Variants in GDPD1 observed in about 807,000 individuals in gnomAD.
The protein encoded by GDPD1 is glycerophosphodiester phosphodiesterase domain containing 1.
A neutral mutation model predicts 45.1 loss-of-function variants in GDPD1; 28 were observed. That is an observed-to-expected ratio of 0.62 (90% confidence interval 0.46 to 0.85). The LOEUF (loss-of-function observed/expected upper bound fraction) is 0.85. GDPD1 is among the 40% of genes least tolerant of loss of function. The probability of loss-of-function intolerance (pLI) is 0.00; values close to 1 mark genes in which losing one functional copy is unlikely to be tolerated. For missense variants in GDPD1, 256 were observed against 364.8 expected (o/e 0.70, Z 2.43); for synonymous variants, 139 against 131.4 (o/e 1.06, Z -0.40).
intron 1 of GDPD1, among the ~76,000 whole-genome samples, chr17:59,227,452 T>C (rs910704602): frequency 1.3e-5 from 2 of 151,986 alleles, no homozygotes; most frequent in Admixed American, 1.3e-4. Flanking sequence ...TTGGGTAGCA[T>C]GCATAAAGTT....
In GDPD1 at chr17:59,220,707, G is replaced by C. The variant is rs1352676351; in HGVS notation, c.98G>C (p.Arg33Thr). 1 of 1,613,980 alleles carries C rather than the reference G, an allele frequency of 6.2e-7. No individual in the cohort carries two copies. The highest frequency in any genetic ancestry group is 1.3e-5 in the African/African-American group (1 of 74,942). The stretch of plus-strand genomic sequence containing the variant: ...AAATACCCGACCTTGCTGCACCAGA[G>C]AAAGAAGCAGCGATTCCTCAGTAAA... The part of the protein sequence containing the change: ...LLKYPTLLHQ[R>T]KKQRFLSKHI... The change falls in exon 1 of 10, where the codon AGA becomes ACA. Residue 33 changes from arginine (R) to threonine (T), a missense_variant. By Grantham distance (71) the Arg-to-Thr change is moderately conservative (BLOSUM62 -1). Coordinates refer to ENST00000284116, the MANE Select transcript of GDPD1 (RefSeq NM_182569.4).
chr17:59,273,853 T>C lies in GDPD1; in HGVS notation c.*80T>C, dbSNP rs1169097563. The C allele has an allele frequency of 4.3e-6, 6 of 1,407,236 alleles. No homozygotes were observed. The highest frequency in any genetic ancestry group is 2.8e-5 in the Admixed American group (1 of 35,774). 87.2% of individuals were successfully genotyped at this position (1,407,236 alleles called of 1,614,324 possible). ...ATTTCATGATCATTTCCCTAAGCCA[T>C]TTCCAGAATGGTAAAAGGTTTAATC... On this transcript the variant is annotated 3_prime_UTR_variant, in exon 10 of 10. Coordinates refer to ENST00000284116, the MANE Select transcript of GDPD1 (RefSeq NM_182569.4).
chr17:59,232,655 A>G (rs2047100419), intron 1 of GDPD1, among the ~76,000 whole-genome samples: 1 of 152,184 alleles, frequency 6.6e-6, no homozygotes, highest in Admixed American at 6.5e-5. Flanking sequence ...AGACAACATG[A>G]TGAAAATATG....
At chr17:59,269,396 T>C (rs2047426894) in intron 7 of GDPD1, among the ~76,000 whole-genome samples, 1 of 152,156 alleles carries the variant, frequency 6.6e-6, no homozygotes, top group South Asian at 2.1e-4. Flanking sequence ...ACATGTTTAT[T>C]TTATTTATTC....
At chr17:59,255,181 A>T (rs994138279) in intron 4 of GDPD1, among the ~76,000 whole-genome samples, 8 of 152,130 alleles carry the variant, frequency 5.3e-5, no homozygotes, top group Non-Finnish European at 1.0e-4. Flanking sequence ...GGAATAAAGG[A>T]TTTTCACCAT....
chr17:59,220,863 G>T (rs991149516), intron 1 of GDPD1, 112 bp downstream of exon 1: 4 of 1,249,252 alleles, frequency 3.2e-6, no homozygotes, highest in South Asian at 2.7e-5. Flanking sequence ...GAAGAATGGG[G>T]TTGTGTGAAT....
chr17:59,231,747 T>G (rs1202327519), intron 1 of GDPD1, among the ~76,000 whole-genome samples: 1 of 152,116 alleles, frequency 6.6e-6, no homozygotes, highest in African/African-American at 2.4e-5. Context: ...ATGACTAACA[T>G]CGTTGACTCC....
chr17:59,245,625 T>A, intron 3 of GDPD1, 76 bp downstream of exon 3: 2 of 1,124,784 alleles, frequency 1.8e-6, no homozygotes, highest in African/African-American at 1.6e-5. Flanking sequence ...ATAGCGAATA[T>A]CAGCAAAAAA....
chr17:59,250,479 G>A (rs530240456), intron 4 of GDPD1, among the ~76,000 whole-genome samples: 27 of 152,014 alleles, frequency 1.8e-4, no homozygotes, highest in Non-Finnish European at 2.9e-4. Context: ...GCCAGTCATG[G>A]TGGAATATGC....
At chr17:59,236,344 A>C (rs931189566) in intron 2 of GDPD1, among the ~76,000 whole-genome samples, 26 of 152,176 alleles carry the variant, frequency 1.7e-4, no homozygotes. Flanking sequence ...GTTTTTATAT[A>C]GTTTTGTTCA....
chr17:59,251,844 A>T (rs2047256477), intron 4 of GDPD1, among the ~76,000 whole-genome samples: 1 of 151,414 alleles, frequency 6.6e-6, no homozygotes. Flanking sequence ...CATCTTTACA[A>T]AAATAATAAA....
In GDPD1 at chr17:59,234,516, C is replaced by CCA; in HGVS notation, c.167_168insCA (p.Met57LysfsTer16). The CCA allele has an allele frequency of 6.2e-7, 1 of 1,601,728 alleles. No homozygotes were observed. Among genetic ancestry groups the CCA allele is most frequent in the Non-Finnish European group, 8.5e-7 (1 of 1,170,158 alleles). On this transcript the variant is annotated frameshift_variant, in exon 2 of 10. Coordinates refer to ENST00000284116, the MANE Select transcript of GDPD1 (RefSeq NM_182569.4). LOFTEE classifies it high-confidence loss of function. ...GGTGCTGGAGAAAATTTGGAGAATA[C>CCA]AATGGCAGCCTTTCAGCAGTAAGTA...
rs183123015 is a variant in GDPD1, at chr17:59,269,401, T to G, written c.711-1535T>G. Among the ~76,000 whole-genome samples the G allele has an allele frequency of 2.0e-3, 300 of 152,282 alleles. 2 individuals carry two copies. The highest frequency in any genetic ancestry group is 6.9e-3 in the African/African-American group (287 of 41,556). On this transcript the variant is annotated intron_variant, in intron 7 of 9. Transcript: ENST00000284116. ...TTAGTGATAAACATGTTTATTTTAT[T>G]TATTCCTAAATTATATTTATGAACA...
At chr17:59,235,841 T>G (rs1231616529) in intron 2 of GDPD1, among the ~76,000 whole-genome samples, 1 of 151,832 alleles carries the variant, frequency 6.6e-6, no homozygotes, top group Non-Finnish European at 1.5e-5. Context: ...AAAGTAAAAT[T>G]TTTCCTCCTA....
At chr17:59,240,221 G>A (rs931130102) in intron 2 of GDPD1, among the ~76,000 whole-genome samples, 2 of 151,756 alleles carry the variant, frequency 1.3e-5, no homozygotes, top group Non-Finnish European at 2.9e-5. Flanking sequence ...AACCTGGAGA[G>A]CGGAAGTTGC....
At chr17:59,263,886 G>A (rs1326970684) in intron 6 of GDPD1, among the ~76,000 whole-genome samples, 2 of 152,136 alleles carry the variant, frequency 1.3e-5, no homozygotes, top group African/African-American at 4.8e-5. Flanking sequence ...GGCACACAGT[G>A]GTAGTGGGAA....
intron 6 of GDPD1, among the ~76,000 whole-genome samples, chr17:59,261,490 T>TTTATTATTATTA (rs766401407): frequency 1.3e-5 from 2 of 151,228 alleles, no homozygotes; most frequent in African/African-American, 4.9e-5. Context: ...AATGATTTAT[T>TTTATTATTATTA]TTATTATTAT....
Position 59,220,515 on chromosome 17 carries a change from C to A in GDPD1, c.-95C>A, listed in dbSNP as rs563531572. Reference sequence around the variant, plus strand: ...CCAGTGGCACCGGCTGGGGGCGAGCCGACCTCGAGCAGCCGCCGCCGCCGC... The same window carrying A: ...CCAGTGGCACCGGCTGGGGGCGAGCAGACCTCGAGCAGCCGCCGCCGCCGC... On this transcript the variant is annotated 5_prime_UTR_variant, in exon 1 of 10. Coordinates refer to ENST00000284116, the MANE Select transcript of GDPD1 (RefSeq NM_182569.4). The A allele has an allele frequency of 1.4e-6, 2 of 1,384,552 alleles. No individual in the cohort carries two copies. The highest frequency in any genetic ancestry group is 2.6e-5 in the South Asian group (2 of 77,740). The allele number at this position is 1,384,552 out of a possible 1,614,324, so 85.8% of individuals were successfully genotyped here.
intron 4 of GDPD1, among the ~76,000 whole-genome samples, chr17:59,255,239 A>T (rs1373206462): frequency 3.3e-5 from 5 of 152,124 alleles, no homozygotes; most frequent in Admixed American, 2.0e-4. Context: ...CGGAAGCAGA[A>T]CAATTTTTAC....
Sources: allele counts gnomAD v4.1 joint callset (sites outside exome capture counted in the v4.1 genomes callset), GRCh38; gene constraint gnomAD v4.1.1; transcripts MANE v1.5; gene names NCBI Gene and HGNC (gene_info 2026-07-23, HGNC 2026-07-21).